The following SEMA3A variants were observed in gnomAD, a reference collection of about 807,000 sequenced individuals.
The protein encoded by SEMA3A is semaphorin 3A.
A neutral mutation model predicts 97.9 loss-of-function variants in SEMA3A; 29 were observed. The ratio of observed to expected loss-of-function variants is 0.30; its 90% confidence interval spans 0.22 to 0.40. The LOEUF (loss-of-function observed/expected upper bound fraction) is 0.40, where lower values mean the gene tolerates loss of function less well. Ranked by LOEUF, SEMA3A falls within the 10% of genes least tolerant of loss-of-function variation. The pLI is 1.00. For missense variants in SEMA3A, 763 were observed against 951.3 expected, an observed-to-expected ratio of 0.80 and a Z score of 2.60; for synonymous variants, 321 against 323.7, an observed-to-expected ratio of 0.99 and a Z score of 0.09.
chr7:84,042,247 A>G (rs1467984129), intron 6 of SEMA3A, among the ~76,000 whole-genome samples: 1 of 152,078 alleles, frequency 6.6e-6, no homozygotes, highest in Non-Finnish European at 1.5e-5. Context: ...AAGTGAAGTG[A>G]TGACTTGCAT....
In SEMA3A at chr7:84,292,102, A is replaced by C. The variant is rs1800761968; in HGVS notation, c.-83+15105T>G. Among the ~76,000 whole-genome samples, 4 of 152,212 alleles carry C rather than the reference A, an allele frequency of 2.6e-5. No homozygotes were observed. In the South Asian group the frequency reaches 8.3e-4, roughly 32 times the overall value. ...AATTGTGACTGATGACCTCACTACAAATCTGCTTATCTACCTCTAACCACT... is the reference window on the plus strand; with the variant it reads ...AATTGTGACTGATGACCTCACTACACATCTGCTTATCTACCTCTAACCACT... On this transcript the variant is annotated intron_variant, in intron 3 of 3. Coordinates refer to the SEMA3A transcript ENST00000424555.
intron 1 of SEMA3A, among the ~76,000 whole-genome samples, chr7:84,394,688 C>A (rs1017314628): frequency 1.3e-5 from 2 of 151,998 alleles, no homozygotes; most frequent in East Asian, 3.9e-4. Context: ...TATTCATATA[C>A]AAGAACATAA....
At chr7:84,086,779 T>G (rs557731218) in intron 4 of SEMA3A, among the ~76,000 whole-genome samples, 1 of 150,940 alleles carries the variant, frequency 6.6e-6, no homozygotes, top group Non-Finnish European at 1.5e-5. Flanking sequence ...GTATTGGCTG[T>G]GATTACATCA....
chr7:84,134,382 A>T (rs1325830434), intron 2 of SEMA3A, among the ~76,000 whole-genome samples: 1 of 152,246 alleles, frequency 6.6e-6, no homozygotes, highest in African/African-American at 2.4e-5. Flanking sequence ...CACTGATAGC[A>T]TGCCAAATTA....
intron 4 of SEMA3A, among the ~76,000 whole-genome samples, chr7:84,072,760 T>C (rs947052727): frequency 6.6e-6 from 1 of 152,146 alleles, no homozygotes; most frequent in Non-Finnish European, 1.5e-5. Context: ...TTACAGACAC[T>C]ATTACAGAGT....
chr7:84,065,828 T>G (rs1793462453), intron 4 of SEMA3A, among the ~76,000 whole-genome samples: 1 of 151,898 alleles, frequency 6.6e-6, no homozygotes, highest in Non-Finnish European at 1.5e-5. Flanking sequence ...CACAGCTGAA[T>G]TCTACCAGAG....
In SEMA3A at chr7:84,099,593, C is replaced by G. The variant is rs75757678; in HGVS notation, c.453+10877G>C. ...AGCTCAGGAGTTAAAATTAAATGTG[C>G]ATGAACCACAATATGCTATAAAACA... On this transcript the variant is annotated intron_variant, in intron 4 of 16. Coordinates refer to ENST00000265362, the MANE Select transcript of SEMA3A (RefSeq NM_006080.3). 6.6e-5 allele frequency among the ~76,000 whole-genome samples: 10 copies of G among 152,138 alleles called. No individual in the cohort carries two copies. The East Asian group carries it at 1.9e-3, about 29-fold the overall frequency.
chr7:84,166,043 C>T (rs534206362), intron 1 of SEMA3A, among the ~76,000 whole-genome samples: 13 of 151,996 alleles, frequency 8.6e-5, no homozygotes, highest in Non-Finnish European at 1.6e-4. Flanking sequence ...GAGGTCAAGG[C>T]AGGAGTATCA....
At chr7:84,420,371 AACAATTAG>A (rs1804556002) in intron 1 of SEMA3A, among the ~76,000 whole-genome samples, 1 of 152,072 alleles carries the variant, frequency 6.6e-6, no homozygotes, top group African/African-American at 2.4e-5. Flanking sequence ...TTTAAAAAGA[AACAATTAG>A]ACATTATGGA....
intron 3 of SEMA3A, among the ~76,000 whole-genome samples, chr7:84,124,224 T>C (rs1356723078): frequency 1.3e-5 from 2 of 152,186 alleles, no homozygotes; most frequent in African/African-American, 2.4e-5. Context: ...TAGCCTTCTA[T>C]CTGAATCTGA....
At chr7:84,133,879 T>G (rs1796037898) in intron 2 of SEMA3A, among the ~76,000 whole-genome samples, 1 of 128,050 alleles carries the variant, frequency 7.8e-6, no homozygotes, top group African/African-American at 3.0e-5. Flanking sequence ...TGAAACCTCG[T>G]CTCTACTAAA....
At chr7:84,352,300 G>A (rs642153) in intron 2 of SEMA3A, among the ~76,000 whole-genome samples, 10,593 of 151,900 alleles carry the variant, frequency 0.07, 917 homozygotes, top group African/African-American at 0.19. Flanking sequence ...CGATATGAAT[G>A]AGATCTTGTA....
chr7:84,027,114 T>A (rs1791575615), intron 6 of SEMA3A, among the ~76,000 whole-genome samples: 1 of 152,108 alleles, frequency 6.6e-6, no homozygotes, highest in African/African-American at 2.4e-5. Flanking sequence ...ACAAGGTATA[T>A]CTCTAAATAT....
chr7:83,981,587 T>C lies in SEMA3A; in HGVS notation c.1495-109A>G, dbSNP rs1291060848. 3 of 976,582 alleles carry C rather than the reference T, an allele frequency of 3.1e-6. No homozygotes were observed. The Admixed American group carries it at 1.1e-4, about 35-fold the overall frequency. 60.5% of individuals were successfully genotyped at this position (976,582 alleles called of 1,614,324 possible). On this transcript the variant is annotated intron_variant, in intron 13 of 16. Coordinates refer to ENST00000265362, the MANE Select transcript of SEMA3A (RefSeq NM_006080.3). ...TAACTTCTCAGAGATAAATTAAGGG[T>C]TTAAAAAAATCATCCCTTTATTGCT...
At chr7:84,087,916 A>C (rs1794431148) in intron 4 of SEMA3A, among the ~76,000 whole-genome samples, 1 of 152,126 alleles carries the variant, frequency 6.6e-6, no homozygotes, top group Admixed American at 6.5e-5. Flanking sequence ...TCATTTGCTG[A>C]AATGATCCTA....
At chr7:84,119,467 G>C (rs891313749) in intron 3 of SEMA3A, among the ~76,000 whole-genome samples, 1 of 152,094 alleles carries the variant, frequency 6.6e-6, no homozygotes, top group Admixed American at 6.6e-5. Context: ...AAATTAAATG[G>C]CAGAATTTTG....
At chr7:84,160,379 G>A (rs1448098195) in intron 1 of SEMA3A, among the ~76,000 whole-genome samples, 5 of 151,672 alleles carry the variant, frequency 3.3e-5, no homozygotes, top group South Asian at 2.1e-4. Flanking sequence ...GTGAAACCCC[G>A]TCTCTAAAAA....
chr7:84,451,242 C>G (rs1016072495), intron 1 of SEMA3A, among the ~76,000 whole-genome samples: 1 of 152,130 alleles, frequency 6.6e-6, no homozygotes, highest in Non-Finnish European at 1.5e-5. Context: ...GTTTTCTCAG[C>G]ACCAACTCTT....
chr7:84,012,696 A>G (rs1790931039), intron 7 of SEMA3A, among the ~76,000 whole-genome samples: 1 of 152,340 alleles, frequency 6.6e-6, no homozygotes, highest in Admixed American at 6.5e-5. Flanking sequence ...AAGGAAACTC[A>G]TTCCAGAGAA....
Sources: allele counts gnomAD v4.1 joint callset (sites outside exome capture counted in the v4.1 genomes callset), GRCh38; gene constraint gnomAD v4.1.1; transcripts MANE v1.5; gene names NCBI Gene and HGNC (gene_info 2026-07-23, HGNC 2026-07-21).